Variants in CMTM8 observed in about 807,000 individuals in gnomAD.
CMTM8 encodes the protein CKLF-like MARVEL transmembrane domain-containing protein 8.
In CMTM8, 12 loss-of-function variants were observed where a neutral mutation model predicts 18.6. The observed-to-expected ratio is 0.65, with a 90% confidence interval of 0.41 to 1.05. CMTM8 has a LOEUF of 1.05. CMTM8 is among the 50% of genes least tolerant of loss of function. The pLI is 0.00. For synonymous variants in CMTM8, 87 were observed against 90.6 expected (o/e 0.96, Z 0.23); for missense variants, 217 against 227.2 (o/e 0.95, Z 0.29).
chr3:32,347,290 TGC>T, intron 1 of CMTM8, among the ~76,000 whole-genome samples: 2 of 119,258 alleles, frequency 1.7e-5, no homozygotes, highest in East Asian at 5.3e-4. Context: ...TGGTTTTTTT[TGC>T]TTAGGTTTTT....
intron 1 of CMTM8, among the ~76,000 whole-genome samples, chr3:32,310,568 A>C (rs909554535): frequency 6.6e-6 from 1 of 152,204 alleles, no homozygotes; most frequent in Non-Finnish European, 1.5e-5. Flanking sequence ...CGAGGAAGAA[A>C]TCATACTGCG....
intron 1 of CMTM8, among the ~76,000 whole-genome samples, chr3:32,302,056 G>T (rs1467072356): frequency 6.6e-6 from 1 of 150,388 alleles, no homozygotes; most frequent in Non-Finnish European, 1.5e-5. Context: ...GCATAGGCCA[G>T]ACATGGTGGC....
intron 2 of CMTM8, among the ~76,000 whole-genome samples, chr3:32,365,513 T>G (rs974240078): frequency 6.6e-6 from 1 of 152,128 alleles, no homozygotes; most frequent in Non-Finnish European, 1.5e-5. Flanking sequence ...TGGCGTGATC[T>G]CGGCTCACTG....
At chr3:32,298,004 G>T (rs571838179) in intron 1 of CMTM8, among the ~76,000 whole-genome samples, 3 of 151,764 alleles carry the variant, frequency 2.0e-5, no homozygotes, top group South Asian at 4.1e-4. Context: ...ATGGTCATCA[G>T]CAGCAGCCAT....
intron 1 of CMTM8, among the ~76,000 whole-genome samples, chr3:32,348,525 G>A (rs912688181): frequency 4.5e-5 from 1 of 22,458 alleles, no homozygotes; most frequent in Non-Finnish European, 1.1e-4. Flanking sequence ...CTCTCTTCCT[G>A]GAACTTTTTT....
At chr3:32,333,507 C>A (rs1271440406) in intron 1 of CMTM8, among the ~76,000 whole-genome samples, 1 of 151,988 alleles carries the variant, frequency 6.6e-6, no homozygotes, top group Non-Finnish European at 1.5e-5. Flanking sequence ...TTGGGAAGCA[C>A]TGGGCAATGT....
rs150012730 is a variant in CMTM8, at chr3:32,362,241, C to A, written c.321+4695C>A. ...TTTTTTTAGTAGAGACGGGGTTTCA[C>A]CGTGTTAGCCAGGCTGGTCTTGAAC... On this transcript the variant is annotated intron_variant, in intron 2 of 3. Coordinates refer to ENST00000307526, the MANE Select transcript of CMTM8 (RefSeq NM_178868.5). Among the ~76,000 whole-genome samples the A allele has an allele frequency of 3.2e-3, 481 of 151,956 alleles. 3 individuals are homozygous for A. The highest frequency in any genetic ancestry group is 0.011 in the African/African-American group (467 of 41,458).
chr3:32,366,098 A>G lies in CMTM8; in HGVS notation c.322-1774A>G, dbSNP rs139815815. ...ACATGTTTACTTTTGGGAGTGTTAA[A>G]CAAGACTAGGGAAGTCACAAAGTTA... On this transcript the variant is annotated intron_variant, in intron 2 of 3. Coordinates refer to ENST00000307526, the MANE Select transcript of CMTM8 (RefSeq NM_178868.5). Among the ~76,000 whole-genome samples, 1,078 of 152,292 alleles carry G rather than the reference A, an allele frequency of 7.1e-3. 5 individuals are homozygous for G. Among genetic ancestry groups the G allele is most frequent in the Middle Eastern group, 0.014 (4 of 294 alleles).
intron 1 of CMTM8, among the ~76,000 whole-genome samples, chr3:32,261,951 G>C (rs1473510879): frequency 2.0e-5 from 3 of 152,172 alleles, no homozygotes; most frequent in African/African-American, 7.2e-5. Flanking sequence ...AAGCCGCAAG[G>C]GATTTATTAT....
intron 1 of CMTM8, among the ~76,000 whole-genome samples, chr3:32,271,355 G>A (rs1258027921): frequency 2.0e-5 from 3 of 152,082 alleles, no homozygotes; most frequent in African/African-American, 7.2e-5. Context: ...ATCGACCTCG[G>A]GTGACCCGCC....
chr3:32,255,708 A>T (rs546174160), intron 1 of CMTM8, among the ~76,000 whole-genome samples: 1 of 152,200 alleles, frequency 6.6e-6, no homozygotes, highest in East Asian at 1.9e-4. Flanking sequence ...ATTTCTTTTC[A>T]TTAATTTTTA....
intron 1 of CMTM8, among the ~76,000 whole-genome samples, chr3:32,298,888 TATACACAC>T (rs1246712130): frequency 1.4e-5 from 2 of 145,822 alleles, no homozygotes; most frequent in Non-Finnish European, 3.0e-5. Context: ...CATACATATA[TATACACAC>T]ATACACACAC....
intron 1 of CMTM8, among the ~76,000 whole-genome samples, chr3:32,262,678 A>G (rs1007710865): frequency 1.3e-5 from 2 of 152,248 alleles, no homozygotes; most frequent in African/African-American, 4.8e-5. Context: ...TGACGATGTC[A>G]CATGTTAGTA....
At chr3:32,319,948 A>G (rs539941398) in intron 1 of CMTM8, among the ~76,000 whole-genome samples, 1 of 152,230 alleles carries the variant, frequency 6.6e-6, no homozygotes, top group South Asian at 2.1e-4. Flanking sequence ...GCCCATGAGT[A>G]TTTTCTTACG....
Position 32,295,482 on chromosome 3 carries a change from A to G in CMTM8, c.147+56363A>G, listed in dbSNP as rs1358161042. On this transcript the variant is annotated intron_variant, in intron 1 of 3. Transcript: ENST00000307526. ...AAAAAAAAAAAAAAAAAAAAAACAAAACAAAACAGCGGAAAGAGAAAATCC... is the reference window on the plus strand; with the variant it reads ...AAAAAAAAAAAAAAAAAAAAAACAAGACAAAACAGCGGAAAGAGAAAATCC... Among the ~76,000 whole-genome samples, 4 of 117,554 alleles carry G rather than the reference A, an allele frequency of 3.4e-5. 1 individual carries two copies. Among genetic ancestry groups the G allele is most frequent in the Non-Finnish European group, 4.9e-5 (3 of 61,024 alleles). 77.1% of individuals were successfully genotyped at this position (117,554 alleles called of 152,430 possible).
intron 1 of CMTM8, among the ~76,000 whole-genome samples, chr3:32,331,838 C>T (rs1359811374): frequency 6.6e-6 from 1 of 152,062 alleles, no homozygotes; most frequent in Non-Finnish European, 1.5e-5. Context: ...TAATCAAACT[C>T]CTAGAAAGTA....
intron 1 of CMTM8, among the ~76,000 whole-genome samples, chr3:32,309,886 T>C (rs924230194): frequency 1.3e-5 from 2 of 152,186 alleles, no homozygotes; most frequent in African/African-American, 4.8e-5. Context: ...TCCTGAACTT[T>C]CGATGGGAAT....
At chr3:32,341,701 A>AC (rs1305274293) in intron 1 of CMTM8, among the ~76,000 whole-genome samples, 4 of 150,428 alleles carry the variant, frequency 2.7e-5, no homozygotes, top group Non-Finnish European at 4.4e-5. Context: ...ACATGGCGAA[A>AC]CCCCCTCTCT....
chr3:32,290,089 G>A (rs1180567487), intron 1 of CMTM8, among the ~76,000 whole-genome samples: 2 of 152,014 alleles, frequency 1.3e-5, no homozygotes, highest in African/African-American at 4.8e-5. Flanking sequence ...ACTGCAGCCT[G>A]GATGACAGAG....
Sources: allele counts gnomAD v4.1 joint callset (sites outside exome capture counted in the v4.1 genomes callset), GRCh38; gene constraint gnomAD v4.1.1; transcripts MANE v1.5; gene names NCBI Gene and HGNC (gene_info 2026-07-23, HGNC 2026-07-21).